The following FUT8 variants were observed in gnomAD, a reference collection of about 807,000 sequenced individuals.
FUT8 encodes the protein alpha-(1,6)-fucosyltransferase.
In FUT8, 29 loss-of-function variants were observed where a neutral mutation model predicts 71.3. The observed-to-expected ratio is 0.41, with a 90% CI of 0.30 to 0.55. The LOEUF (loss-of-function observed/expected upper bound fraction) is 0.55, where lower values mean the gene tolerates loss of function less well. Among genes scored for constraint, FUT8 ranks in the 20% least tolerant of loss-of-function variants. The probability of loss-of-function intolerance (pLI) is 0.34; values close to 1 mark genes in which losing one functional copy is unlikely to be tolerated. For synonymous variants in FUT8, 254 were observed against 239.3 expected (o/e 1.06, Z -0.57); for missense variants, 544 against 702.1 (o/e 0.77, Z 2.55).
At chr14:65,600,226 G>C (rs560008598) in intron 3 of FUT8, among the ~76,000 whole-genome samples, 1 of 152,252 alleles carries the variant, frequency 6.6e-6, no homozygotes, top group African/African-American at 2.4e-5. Context: ...TTGTATTTCA[G>C]TTTACAAATG....
intron 3 of FUT8, among the ~76,000 whole-genome samples, chr14:65,587,083 G>A (rs2140129324): frequency 6.6e-6 from 1 of 152,098 alleles, no homozygotes; most frequent in East Asian, 1.9e-4. Context: ...CAGCTACTCG[G>A]GATGCTGAGG....
intron 1 of FUT8, among the ~76,000 whole-genome samples, chr14:65,435,444 C>T (rs2065540789): frequency 6.6e-6 from 1 of 152,064 alleles, no homozygotes; most frequent in Non-Finnish European, 1.5e-5. Context: ...ATAGTTCGTT[C>T]CTTTACATTG....
chr14:65,558,645 A>G (rs11158601), intron 2 of FUT8, among the ~76,000 whole-genome samples: 54,068 of 152,104 alleles, frequency 0.36, 11,943 homozygotes, highest in Non-Finnish European at 0.5. Context: ...CATGGTTCAG[A>G]CAATAAACAG....
chr14:65,513,616 C>T (rs1311457011), intron 2 of FUT8, among the ~76,000 whole-genome samples: 1 of 149,812 alleles, frequency 6.7e-6, no homozygotes, highest in Non-Finnish European at 1.5e-5. Flanking sequence ...GAAATTGTTC[C>T]CTTCTCTGTA....
the FUT8 span, among the ~76,000 whole-genome samples, chr14:65,379,790 TG>T: frequency 6.6e-6 from 1 of 152,212 alleles, no homozygotes; most frequent in African/African-American, 2.4e-5. Context: ...TTGTAGGGGC[TG>T]GGAAGTCCAA....
chr14:65,474,441 G>GAAAAAAAAAAAAAA lies in FUT8; in HGVS notation c.-228+18726_-228+18739dup, dbSNP rs398025445. Among the ~76,000 whole-genome samples, 43 of 39,666 alleles carry GAAAAAAAAAAAAAA rather than the reference G, an allele frequency of 1.1e-3. 3 individuals carry two copies. Among genetic ancestry groups the GAAAAAAAAAAAAAA allele is most frequent in the East Asian group, 3.4e-3 (2 of 584 alleles). 26.0% of individuals were successfully genotyped at this position (39,666 alleles called of 152,430 possible). A position where few individuals can be genotyped will look rare whatever the true frequency, so the allele number is the denominator to read the frequency against. On this transcript the variant is annotated intron_variant, in intron 2 of 10. Transcript: ENST00000673929. The stretch of plus-strand genomic sequence containing the variant: ...AACATGGTGAAAACCTGTCTCTACT[G>GAAAAAAAAAAAAAA]AAAAAAAAAAAAAAAAGCCAGGCGT...
upstream of FUT8, among the ~76,000 whole-genome samples, chr14:65,409,758 C>T (rs188065190): frequency 3.0e-4 from 46 of 152,216 alleles, no homozygotes; most frequent in Admixed American, 5.9e-4. The surrounding 1 kb of genome is among the most constrained non-coding windows in gnomAD (Gnocchi z 5.4). Context: ...AGAATTTGAC[C>T]GAGGCTATAT....
intron 7 of FUT8, among the ~76,000 whole-genome samples, chr14:65,709,334 T>G (rs1210206004): frequency 6.6e-6 from 1 of 152,186 alleles, no homozygotes; most frequent in Admixed American, 6.5e-5. Flanking sequence ...TTTCCCAAAC[T>G]CTGAAAGATT....
At chr14:65,563,624 T>C (rs1229860077) in intron 3 of FUT8, among the ~76,000 whole-genome samples, 1 of 152,002 alleles carries the variant, frequency 6.6e-6, no homozygotes, top group African/African-American at 2.4e-5. Flanking sequence ...TCTCCTTCTA[T>C]ATCATGGGAA....
intron 6 of FUT8, among the ~76,000 whole-genome samples, chr14:65,641,263 G>T (rs1166756038): frequency 1.3e-5 from 2 of 152,150 alleles, no homozygotes; most frequent in East Asian, 3.8e-4. Context: ...TATAAATGGA[G>T]ACCTACAGTA....
the FUT8 span, among the ~76,000 whole-genome samples, chr14:65,385,873 C>T: frequency 1.3e-5 from 2 of 152,022 alleles, no homozygotes; most frequent in Non-Finnish European, 2.9e-5. Flanking sequence ...AAGTTCAGTC[C>T]AGCCATGGTG....
chr14:65,698,388 C>G (rs1202442132), intron 7 of FUT8, among the ~76,000 whole-genome samples: 7 of 152,150 alleles, frequency 4.6e-5, no homozygotes, highest in Non-Finnish European at 7.4e-5. Context: ...CTTTTCCTGT[C>G]ATGTACTATT....
intron 1 of FUT8, among the ~76,000 whole-genome samples, chr14:65,452,287 G>A (rs2065839152): frequency 6.6e-6 from 1 of 152,156 alleles, no homozygotes; most frequent in Non-Finnish European, 1.5e-5. Context: ...AGGTAAGATG[G>A]ACTAATAGGG....
chr14:65,364,092 A>T, the FUT8 span, among the ~76,000 whole-genome samples: 1 of 152,186 alleles, frequency 6.6e-6, no homozygotes, highest in Non-Finnish European at 1.5e-5. Flanking sequence ...ACAGACCACA[A>T]ATTTACTTTG....
At chr14:65,512,232 C>T (rs899426052) in intron 2 of FUT8, among the ~76,000 whole-genome samples, 9 of 152,152 alleles carry the variant, frequency 5.9e-5, no homozygotes, top group African/African-American at 1.7e-4. Flanking sequence ...GGCGCGATCT[C>T]GGCTTACTGC....
intron 2 of FUT8, among the ~76,000 whole-genome samples, chr14:65,552,025 C>T (rs1337512879): frequency 2.6e-5 from 4 of 151,988 alleles, no homozygotes; most frequent in Non-Finnish European, 5.9e-5. Context: ...AAGATTGCAA[C>T]AATAAATTAC....
chr14:65,455,807 T>C (rs2065887033), intron 2 of FUT8, 89 bp downstream of exon 2: 1 of 395,006 alleles, frequency 2.5e-6, no homozygotes, highest in Non-Finnish European at 4.5e-6. Flanking sequence ...AAGCTACATG[T>C]TATGTACCAG....
chr14:65,379,686 T>G, the FUT8 span, among the ~76,000 whole-genome samples: 1 of 152,198 alleles, frequency 6.6e-6, no homozygotes, highest in Non-Finnish European at 1.5e-5. Flanking sequence ...TTGAGTCTGT[T>G]TTTTGTAAGT....
At chr14:65,372,437 A>C in the FUT8 span, among the ~76,000 whole-genome samples, 1 of 148,186 alleles carries the variant, frequency 6.7e-6, no homozygotes, top group Non-Finnish European at 1.5e-5. Flanking sequence ...TTCTTTTGGG[A>C]CAGAGTTTTG....
Sources: allele counts gnomAD v4.1 joint callset (sites outside exome capture counted in the v4.1 genomes callset), GRCh38; gene constraint gnomAD v4.1.1; non-coding constraint Gnocchi (gnomAD v3.1); transcripts MANE v1.5; gene names NCBI Gene and HGNC (gene_info 2026-07-23, HGNC 2026-07-21).